CADPS: variants seen among roughly 807,000 people sequenced by gnomAD.
The protein encoded by CADPS is calcium-dependent secretion activator 1.
In CADPS, 57 loss-of-function variants were observed where a neutral mutation model predicts 167.3. The ratio of observed to expected loss-of-function variants is 0.34; its 90% confidence interval spans 0.28 to 0.42. The LOEUF is 0.42. Ranked by LOEUF, CADPS falls within the 20% of genes least tolerant of loss-of-function variation. CADPS has a pLI of 1.00. For missense variants in CADPS, 1,414 were observed against 1,738.1 expected, an observed-to-expected ratio of 0.81 and a Z score of 3.32; for synonymous variants, 676 against 635.3, an observed-to-expected ratio of 1.06 and a Z score of -0.96.
At chr3:62,790,928 T>C (rs918518621) in intron 1 of CADPS, among the ~76,000 whole-genome samples, 1 of 151,976 alleles carries the variant, frequency 6.6e-6, no homozygotes, top group Non-Finnish European at 1.5e-5. Context: ...GTTACCGTCA[T>C]GATAATTCTG....
chr3:62,574,033 T>C (rs1423369781), intron 8 of CADPS, among the ~76,000 whole-genome samples: 2 of 152,186 alleles, frequency 1.3e-5, no homozygotes, highest in African/African-American at 2.4e-5. Flanking sequence ...CATAAAAACA[T>C]GTAATCCATT....
intron 1 of CADPS, among the ~76,000 whole-genome samples, chr3:62,860,669 C>A (rs773166312): frequency 3.3e-5 from 5 of 152,150 alleles, no homozygotes; most frequent in Non-Finnish European, 5.9e-5. Flanking sequence ...ACTCCTATGC[C>A]CAGATCCAAA....
chr3:62,828,696 G>A (rs1336138016), intron 1 of CADPS, among the ~76,000 whole-genome samples: 1 of 152,006 alleles, frequency 6.6e-6, no homozygotes, highest in Non-Finnish European at 1.5e-5. Flanking sequence ...ATTTAAATAT[G>A]CTTTTAATAA....
chr3:62,767,418 T>G (rs113825795), intron 1 of CADPS, among the ~76,000 whole-genome samples: 9 of 152,346 alleles, frequency 5.9e-5, no homozygotes, highest in African/African-American at 2.2e-4. Context: ...AATTACCCAT[T>G]GTCCTGGGAT....
intron 1 of CADPS, among the ~76,000 whole-genome samples, chr3:62,796,998 T>C (rs2093456071): frequency 6.6e-6 from 1 of 152,208 alleles, no homozygotes; most frequent in Non-Finnish European, 1.5e-5. Context: ...AGCATGCTTA[T>C]ATTTACAATT....
chr3:62,430,481 G>A (rs1211325543), intron 28 of CADPS, among the ~76,000 whole-genome samples: 1 of 152,042 alleles, frequency 6.6e-6, no homozygotes, highest in Admixed American at 6.6e-5. Flanking sequence ...GAAGACACTG[G>A]GAATTCGAGT....
At chr3:62,855,974 T>G (rs1447500120) in intron 1 of CADPS, among the ~76,000 whole-genome samples, 1 of 152,226 alleles carries the variant, frequency 6.6e-6, no homozygotes, top group African/African-American at 2.4e-5. Flanking sequence ...GTAATCAACT[T>G]ATTTAATATA....
At chr3:62,508,124 T>G (rs1410652602) in intron 17 of CADPS, among the ~76,000 whole-genome samples, 2 of 152,194 alleles carry the variant, frequency 1.3e-5, no homozygotes, top group Non-Finnish European at 2.9e-5. Flanking sequence ...AACATGTGGA[T>G]GCTAGATGTC....
At chr3:62,650,768 C>A in intron 5 of CADPS, 79 bp downstream of exon 5, 1 of 1,044,014 alleles carries the variant, frequency 9.6e-7, no homozygotes, top group Non-Finnish European at 1.4e-6. Context: ...ACAGAAAAAA[C>A]AAGCTGATTG....
chr3:62,678,307 A>C (rs2076630794), intron 3 of CADPS, among the ~76,000 whole-genome samples: 1 of 152,084 alleles, frequency 6.6e-6, no homozygotes, highest in Admixed American at 6.6e-5. Context: ...CAATCATACT[A>C]TCTCATTATT....
chr3:62,485,041 C>A (rs907987637), intron 21 of CADPS, among the ~76,000 whole-genome samples: 1 of 152,080 alleles, frequency 6.6e-6, no homozygotes, highest in Non-Finnish European at 1.5e-5. Flanking sequence ...CATTATCACC[C>A]TGCCCCACAA....
chr3:62,574,903 A>G (rs551166155), intron 8 of CADPS, among the ~76,000 whole-genome samples: 1 of 152,364 alleles, frequency 6.6e-6, no homozygotes, highest in African/African-American at 2.4e-5. Flanking sequence ...AAAATGTATC[A>G]TTTTAGCAGC....
chr3:62,690,100 A>G (rs1478215470), intron 3 of CADPS, among the ~76,000 whole-genome samples: 4 of 151,842 alleles, frequency 2.6e-5, no homozygotes, highest in Non-Finnish European at 5.9e-5. Flanking sequence ...TGTACTGGGC[A>G]ATCTACATTT....
intron 3 of CADPS, among the ~76,000 whole-genome samples, chr3:62,724,231 GT>G (rs1291851658): frequency 1.3e-5 from 2 of 152,104 alleles, no homozygotes; most frequent in African/African-American, 4.8e-5. Flanking sequence ...CACCTTTCCT[GT>G]ATTCCCTCCT....
At chr3:62,615,968 G>C (rs111300891) in intron 6 of CADPS, among the ~76,000 whole-genome samples, 88 of 152,188 alleles carry the variant, frequency 5.8e-4, no homozygotes, top group African/African-American at 2.1e-3. Context: ...ATTCGATACT[G>C]CATCACTTTA....
At chr3:62,411,847 T>C (rs1282088728) in intron 28 of CADPS, among the ~76,000 whole-genome samples, 1 of 152,232 alleles carries the variant, frequency 6.6e-6, no homozygotes, top group African/African-American at 2.4e-5. Flanking sequence ...ACAAATACTT[T>C]CTAAAAGGGC....
chr3:62,715,401 T>C (rs1024501588), intron 3 of CADPS, among the ~76,000 whole-genome samples: 45 of 118,242 alleles, frequency 3.8e-4, no homozygotes, highest in African/African-American at 1.3e-3. Context: ...TATCTATCTG[T>C]ATTATATATA....
At chr3:62,507,038 C>A (rs193175411) in intron 17 of CADPS, among the ~76,000 whole-genome samples, 1 of 152,174 alleles carries the variant, frequency 6.6e-6, no homozygotes, top group Non-Finnish European at 1.5e-5. Flanking sequence ...CCAAAAAATT[C>A]TCTTTTCTTG....
chr3:62,665,857 G>A (rs1437880321), intron 3 of CADPS, among the ~76,000 whole-genome samples: 1 of 152,206 alleles, frequency 6.6e-6, no homozygotes. Context: ...GAGACCTGAG[G>A]TTGTCATGAG....
Sources: allele counts gnomAD v4.1 joint callset (sites outside exome capture counted in the v4.1 genomes callset), GRCh38; gene constraint gnomAD v4.1.1; transcripts MANE v1.5; gene names NCBI Gene and HGNC (gene_info 2026-07-23, HGNC 2026-07-21).